GABRG3: variants seen among roughly 807,000 people sequenced by gnomAD.
The protein encoded by GABRG3 is gamma-aminobutyric acid receptor subunit gamma-3.
GABRG3 carries 25 observed loss-of-function variants against 48.8 expected under a neutral mutation model. The ratio of observed to expected loss-of-function variants is 0.51; its 90% CI spans 0.37 to 0.72. The LOEUF is 0.72. GABRG3 is among the 30% of genes least tolerant of loss of function. The pLI, the probability that GABRG3 is intolerant of heterozygous loss-of-function variation, is 0.00. For missense variants in GABRG3, 394 were observed against 577.9 expected, an observed-to-expected ratio of 0.68 and a Z score of 3.26; for synonymous variants, 227 against 217.6, an observed-to-expected ratio of 1.04 and a Z score of -0.38.
intron 6 of GABRG3, among the ~76,000 whole-genome samples, chr15:27,490,508 G>C (rs565235213): frequency 6.6e-6 from 1 of 152,090 alleles, no homozygotes; most frequent in South Asian, 2.1e-4. Context: ...AGAAATGCAG[G>C]CCTGTTTCCT....
chr15:27,071,483 A>G (rs1009797370), intron 3 of GABRG3, among the ~76,000 whole-genome samples: 5 of 152,212 alleles, frequency 3.3e-5, no homozygotes, highest in African/African-American at 1.2e-4. Flanking sequence ...CCATTAGGGA[A>G]GCTGGTGCAC....
chr15:27,040,063 G>C (rs1896248950), intron 3 of GABRG3, among the ~76,000 whole-genome samples: 1 of 152,196 alleles, frequency 6.6e-6, no homozygotes, highest in African/African-American at 2.4e-5. Context: ...CTGCCCTTCA[G>C]CCCACACCTT....
At chr15:27,304,688 A>G (rs1892333223) in intron 3 of GABRG3, among the ~76,000 whole-genome samples, 1 of 151,968 alleles carries the variant, frequency 6.6e-6, no homozygotes, top group South Asian at 2.1e-4. Flanking sequence ...CATGGGCCTC[A>G]GTGATTACAT....
At chr15:27,081,970 A>C (rs534515769) in intron 3 of GABRG3, among the ~76,000 whole-genome samples, 58 of 152,320 alleles carry the variant, frequency 3.8e-4, no homozygotes, top group African/African-American at 1.4e-3. Context: ...GGGGACCCAG[A>C]GAGTGCTTAA....
Position 27,068,112 on chromosome 15 carries a change from A to G in GABRG3, c.270+41291A>G, listed in dbSNP as rs141348564. ...GAGGGGTTGCTGCAGAGCTGCACCC[A>G]TGAAACCTGCCAGAAATCTACCCTC... is the stretch of plus-strand genomic sequence containing the variant. On this transcript the variant is annotated intron_variant, in intron 3 of 9. Transcript: ENST00000615808. 4.2e-3 allele frequency among the ~76,000 whole-genome samples: 642 copies of G among 152,330 alleles called. 4 individuals are homozygous for G. The highest frequency in any genetic ancestry group is 7.7e-3 in the Non-Finnish European group (525 of 68,022).
At chr15:27,116,711 A>G (rs771184815) in intron 3 of GABRG3, among the ~76,000 whole-genome samples, 7 of 152,226 alleles carry the variant, frequency 4.6e-5, no homozygotes, top group Non-Finnish European at 8.8e-5. Context: ...TGATTGGGTC[A>G]TGAGGACTCC....
chr15:27,002,186 AT>A (rs1288600483), intron 2 of GABRG3, among the ~76,000 whole-genome samples: 1 of 152,220 alleles, frequency 6.6e-6, no homozygotes, highest in Non-Finnish European at 1.5e-5. Flanking sequence ...CACTCATTGT[AT>A]AACTGTAATA....
At chr15:27,241,092 A>G (rs188403979) in intron 3 of GABRG3, among the ~76,000 whole-genome samples, 6 of 152,348 alleles carry the variant, frequency 3.9e-5, no homozygotes, top group African/African-American at 1.4e-4. Context: ...GGTTGTGACA[A>G]TAAGTGTTTT....
At chr15:26,986,884 T>G (rs1311431469) in intron 2 of GABRG3, among the ~76,000 whole-genome samples, 1 of 152,124 alleles carries the variant, frequency 6.6e-6, no homozygotes, top group African/African-American at 2.4e-5. Flanking sequence ...ACATAATGAG[T>G]TATCCCACCA....
At chr15:27,184,327 A>G (rs1346433006) in intron 3 of GABRG3, among the ~76,000 whole-genome samples, 1 of 152,196 alleles carries the variant, frequency 6.6e-6, no homozygotes, top group Admixed American at 6.5e-5. Flanking sequence ...CAGAAAGGGT[A>G]ACTGGGACAT....
intron 5 of GABRG3, among the ~76,000 whole-genome samples, chr15:27,455,493 C>T (rs1889240427): frequency 7.1e-6 from 1 of 140,568 alleles, no homozygotes; most frequent in African/African-American, 2.7e-5. Flanking sequence ...GATATGTGTG[C>T]TGTGTGTGTG....
chr15:27,007,385 A>G (rs1249370467), intron 2 of GABRG3, among the ~76,000 whole-genome samples: 1 of 152,132 alleles, frequency 6.6e-6, no homozygotes, highest in Non-Finnish European at 1.5e-5. Flanking sequence ...GCCCACATGC[A>G]TGTGTCTTTA....
At chr15:27,274,271 TTTG>T (rs1891181678) in intron 3 of GABRG3, among the ~76,000 whole-genome samples, 1 of 152,218 alleles carries the variant, frequency 6.6e-6, no homozygotes. Flanking sequence ...TCTGTCTTAG[TTTG>T]TTTAGTGTTG....
rs140212996 is a variant in GABRG3 at position 27,317,597 on chromosome 15, C to G, written c.271-9212C>G. On this transcript the variant is annotated intron_variant, in intron 3 of 9. Transcript: ENST00000615808. Reference sequence around the variant, plus strand: ...CAAGGCAAGGCTAAGCATGTTCAGTCTAAATATTTTTTTTAAAAGAACATT... The same window carrying G: ...CAAGGCAAGGCTAAGCATGTTCAGTGTAAATATTTTTTTTAAAAGAACATT... Among the ~76,000 whole-genome samples, 244 of 152,238 alleles carry G rather than the reference C, an allele frequency of 1.6e-3. 1 individual carries two copies. The highest frequency in any genetic ancestry group is 5.8e-3 in the African/African-American group (241 of 41,548).
rs191843905 is a variant in GABRG3 at position 27,221,514 on chromosome 15, A to G, written c.271-105295A>G. Reference sequence around the variant, plus strand: ...TTTTTAGTTTGAAAATACACAGAAAATTAGCCTGTTTAAAGTGATGCCATT... The same window carrying G: ...TTTTTAGTTTGAAAATACACAGAAAGTTAGCCTGTTTAAAGTGATGCCATT... On this transcript the variant is annotated intron_variant, in intron 3 of 9. Coordinates refer to ENST00000615808, the MANE Select transcript of GABRG3 (RefSeq NM_033223.5). 5.3e-5 allele frequency among the ~76,000 whole-genome samples: 8 copies of G among 152,294 alleles called. No individual in the cohort carries two copies. In the East Asian group the frequency reaches 1.5e-3, roughly 29 times the overall value.
intron 3 of GABRG3, among the ~76,000 whole-genome samples, chr15:27,272,635 C>T (rs201753076): frequency 6.6e-6 from 1 of 152,296 alleles, no homozygotes; most frequent in South Asian, 2.1e-4. Flanking sequence ...AGAGTGGCTA[C>T]AGCCCACAGT....
intron 3 of GABRG3, among the ~76,000 whole-genome samples, chr15:27,097,785 T>TC (rs886755432): frequency 1.4e-4 from 21 of 152,140 alleles, no homozygotes; most frequent in African/African-American, 4.8e-4. Flanking sequence ...GAAAGGTCCC[T>TC]CCCTAAGGAA....
chr15:27,381,318 T>A (rs183065878), intron 5 of GABRG3, among the ~76,000 whole-genome samples: 5 of 152,364 alleles, frequency 3.3e-5, no homozygotes, highest in Admixed American at 2.0e-4. Context: ...TATTTCAGAA[T>A]GGTTTCTTAT....
chr15:27,353,890 T>C (rs1894740427), intron 5 of GABRG3, among the ~76,000 whole-genome samples: 2 of 152,190 alleles, frequency 1.3e-5, no homozygotes, highest in Non-Finnish European at 1.5e-5. Flanking sequence ...TGGTCTAGTT[T>C]CTGTGTTCAT....
Sources: gnomAD v4.1 joint callset for allele counts (sites outside exome capture counted in the v4.1 genomes callset) on GRCh38, gnomAD v4.1.1 for gene constraint, MANE v1.5 for transcripts, NCBI Gene and HGNC (gene_info 2026-07-23, HGNC 2026-07-21) for gene names.